Variants in PODXL2 observed in about 807,000 individuals in gnomAD.
PODXL2 encodes podocalyxin-like protein 2.
In PODXL2, 17 loss-of-function variants were observed where a neutral mutation model predicts 53.4. That is an observed-to-expected ratio of 0.32 (90% CI 0.22 to 0.48). PODXL2 has a LOEUF of 0.48. Among genes scored for constraint, PODXL2 ranks in the 20% least tolerant of loss-of-function variants. The probability of loss-of-function intolerance (pLI) is 0.99; values close to 1 mark genes in which losing one functional copy is unlikely to be tolerated. For missense variants in PODXL2, 673 were observed against 760.0 expected, an observed-to-expected ratio of 0.89 and a Z score of 1.35; for synonymous variants, 311 against 306.7, an observed-to-expected ratio of 1.01 and a Z score of -0.15.
At position 127,633,304 on chromosome 3, in the gene PODXL2, A is replaced by G. The variant is rs547824611; in HGVS notation, c.70+4015A>G. Among the ~76,000 whole-genome samples, 9 of 152,368 alleles carry G rather than the reference A, an allele frequency of 5.9e-5. No individual in the cohort carries two copies. In the South Asian group the frequency reaches 1.7e-3, roughly 28 times the overall value. On this transcript the variant is annotated intron_variant, in intron 1 of 7. Transcript: ENST00000342480. ...ATCCTTTGGAGGAAGGAAGGTACCC[A>G]GCCCCACAAGTAATAGCTTTCCATT...
At chr3:127,667,657 T>A (rs908455828) in intron 4 of PODXL2, among the ~76,000 whole-genome samples, 3 of 152,252 alleles carry the variant, frequency 2.0e-5, no homozygotes, top group African/African-American at 7.2e-5. Flanking sequence ...GGCCAGGCTC[T>A]TATTTTTGTT....
rs958152600 is a variant in PODXL2 at position 127,672,599 on chromosome 3, C to G, written c.*119C>G. On this transcript the variant is annotated 3_prime_UTR_variant, in exon 8 of 8. Coordinates refer to ENST00000342480, the MANE Select transcript of PODXL2 (RefSeq NM_015720.4). ...CCCGGGCCGCCCCCGCGGCCTGGCC[C>G]TCGGCGCGGGCTCCTTCCCGCTTCC... The G allele has an allele frequency of 2.6e-5, 16 of 618,410 alleles. No individual in the cohort carries two copies. The highest frequency in any genetic ancestry group is 4.1e-5 in the Non-Finnish European group (16 of 392,646). 38.3% of individuals were successfully genotyped at this position (618,410 alleles called of 1,614,324 possible).
At chr3:127,656,568 C>T (rs2074725293) in intron 2 of PODXL2, among the ~76,000 whole-genome samples, 1 of 151,806 alleles carries the variant, frequency 6.6e-6, no homozygotes, top group African/African-American at 2.4e-5. Flanking sequence ...AACCCTGTCT[C>T]TACTAAAAAT....
intron 3 of PODXL2, among the ~76,000 whole-genome samples, chr3:127,661,616 T>C (rs184591498): frequency 5.9e-5 from 9 of 152,234 alleles, no homozygotes; most frequent in Admixed American, 3.3e-4. Flanking sequence ...TTTGTATTTT[T>C]AGTGGAGACA....
intron 2 of PODXL2, among the ~76,000 whole-genome samples, chr3:127,658,202 G>C (rs2074737946): frequency 6.6e-6 from 1 of 152,092 alleles, no homozygotes; most frequent in Non-Finnish European, 1.5e-5. Flanking sequence ...TACTATAGTG[G>C]GCTTTCAGTT....
rs1473173893 is a variant in PODXL2, at chr3:127,672,516, A to T, written c.*36A>T. The stretch of plus-strand genomic sequence containing the variant: ...GGCGCAGGCCGAGTGGGCCGCCAGG[A>T]CCAAGCGAGGTGGACCCCGAAACGG... On this transcript the variant is annotated 3_prime_UTR_variant, in exon 8 of 8. Coordinates refer to ENST00000342480, the MANE Select transcript of PODXL2 (RefSeq NM_015720.4). 1.5e-6 allele frequency: 2 copies of T among 1,356,334 alleles called. No individual in the cohort carries two copies. The highest frequency in any genetic ancestry group is 5.1e-5 in the Admixed American group (2 of 39,520). 84.0% of individuals were successfully genotyped at this position (1,356,334 alleles called of 1,614,324 possible).
intron 2 of PODXL2, among the ~76,000 whole-genome samples, chr3:127,656,723 A>G: frequency 7.8e-6 from 1 of 128,872 alleles, no homozygotes; most frequent in Non-Finnish European, 1.6e-5. Flanking sequence ...TGACAGAGCA[A>G]GACTCCATCT....
chr3:127,629,318 A>AGGGC lies in PODXL2; in HGVS notation c.70+36_70+39dup. On this transcript the variant is annotated intron_variant, in intron 1 of 7. Transcript: ENST00000342480. The surrounding 1 kb of genome is among the most constrained non-coding windows in gnomAD (Gnocchi z 6.4). ...AGTGCGCTCCGGGCCCGAGCGCGGG[A>AGGGC]GGGCGGGCGGCGGCGTGGGCGCGGT... 9.9e-6 allele frequency: 10 copies of AGGGC among 1,008,858 alleles called. No homozygotes were observed. Among genetic ancestry groups the AGGGC allele is most frequent in the Non-Finnish European group, 1.2e-5 (10 of 846,926 alleles). 62.5% of individuals were successfully genotyped at this position (1,008,858 alleles called of 1,614,324 possible).
intron 2 of PODXL2, among the ~76,000 whole-genome samples, chr3:127,643,031 T>C (rs1179475167): frequency 6.6e-6 from 1 of 152,174 alleles, no homozygotes; most frequent in Non-Finnish European, 1.5e-5. Context: ...TTAGCTATTA[T>C]TATTACTTTC....
intron 2 of PODXL2, among the ~76,000 whole-genome samples, chr3:127,647,471 C>T (rs917503704): frequency 1.3e-5 from 2 of 152,178 alleles, no homozygotes; most frequent in African/African-American, 4.8e-5. Flanking sequence ...TTAAAGTGTT[C>T]TGCAAGAAAC....
At chr3:127,671,714 A>T in intron 7 of PODXL2, 101 bp downstream of exon 7, 1 of 1,171,518 alleles carries the variant, frequency 8.5e-7, no homozygotes, top group East Asian at 2.4e-5. Context: ...TCCTGGGCGC[A>T]CAGGGTCCCG....
chr3:127,636,316 T>C (rs1202231472), intron 1 of PODXL2, among the ~76,000 whole-genome samples: 6 of 152,172 alleles, frequency 3.9e-5, no homozygotes, highest in Non-Finnish European at 1.5e-5. Flanking sequence ...TCTTCTATAA[T>C]ATTCGGGCTA....
At position 127,672,305 on chromosome 3, in the gene PODXL2, G is replaced by T; in HGVS notation, c.1643G>T (p.Cys548Phe). ...GAGCTGCGCTTCGTGGAGAACGGCT[G>T]CCACGACAACCCCACGCTGGACGTG... is the stretch of plus-strand genomic sequence containing the variant. ...GEELRFVENG[C>F]HDNPTLDVAS... is the part of the protein sequence containing the mutation. Residue 548 changes from cysteine to phenylalanine, a missense_variant, in exon 8 of 8, where the codon TGC (cysteine) becomes TTC (phenylalanine). Cys to Phe is a radical substitution (Grantham distance 205). Around this residue, in one of 3 missense-constraint regions of PODXL2, gnomAD observed 6 missense variants for 21.1 expected, o/e 0.28. Transcript: ENST00000342480. 1 of 1,548,608 alleles carries T rather than the reference G, an allele frequency of 6.5e-7. No homozygotes were observed. The highest frequency in any genetic ancestry group is 8.7e-7 in the Non-Finnish European group (1 of 1,147,924).
intron 4 of PODXL2, 25 bp from the exon 5 acceptor site, chr3:127,668,416 C>CG (rs2107545743): frequency 1.3e-6 from 2 of 1,494,920 alleles, no homozygotes; most frequent in Non-Finnish European, 1.8e-6. Context: ...TCACTGAACA[C>CG]GGGGGGCTCT....
chr3:127,637,276 G>A (rs375968709), intron 1 of PODXL2, among the ~76,000 whole-genome samples: 73 of 152,256 alleles, frequency 4.8e-4, no homozygotes, highest in African/African-American at 1.5e-3. Flanking sequence ...CCTTAGCCCC[G>A]GCGTTGGCTT....
chr3:127,634,765 CTG>C lies in PODXL2; in HGVS notation c.71-4479_71-4478del, dbSNP rs1484609282. 3.9e-5 allele frequency among the ~76,000 whole-genome samples: 6 copies of C among 152,216 alleles called. No homozygotes were observed. The East Asian group carries it at 1.2e-3, about 29-fold the overall frequency. On this transcript the variant is annotated intron_variant, in intron 1 of 7. Transcript: ENST00000342480. ...ATAAAAAATAAATAAAAAGACCTCT[CTG>C]AGCTTTGTCACTCAAAGTGTGGTCC...
chr3:127,672,227 G>T (rs1442760512), intron 7 of PODXL2, 41 bp from the exon 8 acceptor site: 1 of 1,510,758 alleles, frequency 6.6e-7, no homozygotes, highest in South Asian at 1.2e-5. Context: ...CTGTCCGGGG[G>T]CTGGCTCGCT....
chr3:127,668,665 G>A lies in PODXL2; in HGVS notation c.1363+68G>A, dbSNP rs377529777. ...GAGGCGGGCGGCCCCTGAGGGTCAC[G>A]GGAAAAAAGTGCACGCATAAGGGCT... On this transcript the variant is annotated intron_variant, in intron 5 of 7. Coordinates refer to ENST00000342480, the MANE Select transcript of PODXL2 (RefSeq NM_015720.4). 7.9e-6 allele frequency: 11 copies of A among 1,385,872 alleles called. 1 individual carries two copies. The highest frequency in any genetic ancestry group is 5.9e-5 in the African/African-American group (4 of 68,256). 85.8% of individuals were successfully genotyped at this position (1,385,872 alleles called of 1,614,324 possible).
intron 2 of PODXL2, among the ~76,000 whole-genome samples, chr3:127,642,595 C>T (rs181520256): frequency 3.3e-5 from 5 of 152,014 alleles, no homozygotes; most frequent in African/African-American, 1.2e-4. Context: ...GAATGAACGC[C>T]GCACCCCCCA....
Sources: gnomAD v4.1 joint callset for allele counts (sites outside exome capture counted in the v4.1 genomes callset) on GRCh38, gnomAD v4.1.1 for gene constraint, gnomAD v4.1.1 regional missense constraint, Gnocchi (gnomAD v3.1) non-coding constraint, MANE v1.5 for transcripts, NCBI Gene and HGNC (gene_info 2026-07-23, HGNC 2026-07-21) for gene names.